The following CYSLTR2 variants were observed in gnomAD, a reference collection of about 807,000 sequenced individuals.
CYSLTR2 encodes cysteinyl leukotriene receptor 2.
For missense variants in CYSLTR2, 398 were observed against 411.9 expected (o/e 0.97, Z 0.29); for synonymous variants, 179 against 160.8 (o/e 1.11, Z -0.86).
intron 1 of CYSLTR2, among the ~76,000 whole-genome samples, chr13:48,680,800 CTTTTTTT>C (rs139896583): frequency 1.8e-5 from 1 of 55,048 alleles, no homozygotes; most frequent in Non-Finnish European, 3.5e-5. Context: ...CTTTTCTTTT[CTTTTTTT>C]TTTTTTTTTT....
At chr13:48,690,788 T>C (rs1382411412) in intron 1 of CYSLTR2, among the ~76,000 whole-genome samples, 1 of 151,906 alleles carries the variant, frequency 6.6e-6, no homozygotes, top group Non-Finnish European at 1.5e-5. Context: ...TAGGGAGGAG[T>C]CCCTCTTTTT....
intron 1 of CYSLTR2, among the ~76,000 whole-genome samples, chr13:48,688,681 A>G (rs991606691): frequency 9.9e-5 from 15 of 152,188 alleles, no homozygotes; most frequent in African/African-American, 3.6e-4. Context: ...GGTTGGTTCC[A>G]AGTCTTTGCT....
intron 1 of CYSLTR2, among the ~76,000 whole-genome samples, chr13:48,654,789 G>A (rs1952963224): frequency 6.6e-6 from 1 of 152,154 alleles, no homozygotes; most frequent in African/African-American, 2.4e-5. Context: ...AATAACTGAA[G>A]CTTAACTTTT....
At position 48,674,480 on chromosome 13, in the gene CYSLTR2, A is replaced by G. The variant is rs143581870; in HGVS notation, c.-265-16732A>G. On this transcript the variant is annotated intron_variant, in intron 1 of 4. Transcript: ENST00000682523. ...GTTCTTCAGCTCCATCAGGTCTTTT[A>G]TGTTCTGCTCTAAACTGGTTATTCT... Among the ~76,000 whole-genome samples the G allele has an allele frequency of 2.6e-5, 4 of 152,266 alleles. No individual in the cohort carries two copies. The East Asian group carries it at 7.7e-4, about 29-fold the overall frequency.
chr13:48,654,004 A>T lies in CYSLTR2; in HGVS notation c.-279A>T, dbSNP rs1479606329. On this transcript the variant is annotated 5_prime_UTR_variant, in exon 1 of 5. Transcript: ENST00000682523. ...CAGCAGAAGCCAGGGCAGCTGAAAG[A>T]CAGAGACCTTCAGGTGGGCATTTTA... The T allele has an allele frequency of 6.6e-6, 1 of 152,198 alleles. No individual in the cohort carries two copies. Among genetic ancestry groups the T allele is most frequent in the African/African-American group, 2.4e-5 (1 of 41,466 alleles). The allele number at this position is 152,198 out of a possible 1,614,324, so 9.4% of individuals were successfully genotyped here. A position where few individuals can be genotyped will look rare whatever the true frequency, so the allele number is the denominator to read the frequency against.
At chr13:48,657,946 A>T (rs1324580380) in intron 1 of CYSLTR2, among the ~76,000 whole-genome samples, 1 of 152,134 alleles carries the variant, frequency 6.6e-6, no homozygotes. Context: ...ATAACATTGT[A>T]TCCCAGATTC....
At chr13:48,658,380 C>T (rs999663352) in intron 1 of CYSLTR2, among the ~76,000 whole-genome samples, 4 of 152,148 alleles carry the variant, frequency 2.6e-5, no homozygotes, top group Non-Finnish European at 5.9e-5. Context: ...TTTCCCGCCC[C>T]CCAAAAAGAT....
At position 48,707,878 on chromosome 13, in the gene CYSLTR2, T is replaced by G; in HGVS notation, c.*20T>G. 1 of 1,494,002 alleles carries G rather than the reference T, an allele frequency of 6.7e-7. No individual in the cohort carries two copies. The highest frequency in any genetic ancestry group is 8.9e-7 in the Non-Finnish European group (1 of 1,119,094). The allele number at this position is 1,494,002 out of a possible 1,614,324, so 92.5% of individuals were successfully genotyped here. ...GTATAAGGAGCTCTTAGATGAGACC[T>G]GTTCTTGTATCCTTGTGTCCATCTT... On this transcript the variant is annotated 3_prime_UTR_variant, in exon 5 of 5. Transcript: ENST00000682523.
intron 1 of CYSLTR2, among the ~76,000 whole-genome samples, chr13:48,657,583 ATATT>A (rs1391371440): frequency 6.6e-6 from 1 of 152,032 alleles, no homozygotes; most frequent in African/African-American, 2.4e-5. Flanking sequence ...GGAAGTTTAA[ATATT>A]AATTAAGCTG....
chr13:48,686,680 T>G (rs1953901017), intron 1 of CYSLTR2, among the ~76,000 whole-genome samples: 1 of 152,188 alleles, frequency 6.6e-6, no homozygotes, highest in African/African-American at 2.4e-5. Flanking sequence ...CAAATTTCTC[T>G]TTGGCTAGCT....
chr13:48,657,534 A>C (rs1014083984), intron 1 of CYSLTR2, among the ~76,000 whole-genome samples: 15 of 151,906 alleles, frequency 9.9e-5, no homozygotes, highest in Non-Finnish European at 7.4e-5. Context: ...GAGATGGAAA[A>C]GGAGAGAGGA....
At chr13:48,693,854 G>A (rs865782986) in intron 3 of CYSLTR2, among the ~76,000 whole-genome samples, 4 of 152,184 alleles carry the variant, frequency 2.6e-5, no homozygotes, top group South Asian at 2.1e-4. Context: ...ATCTCCTCTT[G>A]AAGGTTTCTT....
intron 1 of CYSLTR2, among the ~76,000 whole-genome samples, chr13:48,673,778 A>G (rs1396283777): frequency 2.6e-5 from 4 of 151,828 alleles, no homozygotes; most frequent in Admixed American, 2.6e-4. Context: ...TCTTTTCCAT[A>G]TTTAGTGCTT....
At chr13:48,687,439 C>T (rs571447319) in intron 1 of CYSLTR2, among the ~76,000 whole-genome samples, 1 of 151,852 alleles carries the variant, frequency 6.6e-6, no homozygotes. Flanking sequence ...TATTATCTAT[C>T]GATTATCATC....
chr13:48,686,909 C>G (rs551105375), intron 1 of CYSLTR2, among the ~76,000 whole-genome samples: 1 of 152,284 alleles, frequency 6.6e-6, no homozygotes, highest in South Asian at 2.1e-4. Context: ...TAAAGCATGA[C>G]TTCTGCGTAT....
At chr13:48,670,622 G>T (rs933686670) in intron 1 of CYSLTR2, among the ~76,000 whole-genome samples, 13 of 152,236 alleles carry the variant, frequency 8.5e-5, no homozygotes, top group Non-Finnish European at 1.5e-4. Flanking sequence ...CCTATGTTCT[G>T]TTCCATTGGT....
chr13:48,706,877 T>C lies in CYSLTR2; in HGVS notation c.60T>C (p.Asn20=). 1 of 1,614,164 alleles carries C rather than the reference T, an allele frequency of 6.2e-7. No homozygotes were observed. The highest frequency in any genetic ancestry group is 8.5e-7 in the Non-Finnish European group (1 of 1,180,000). Residue 20 remains asparagine, a synonymous_variant, in exon 5 of 5, where the codon AAT becomes AAC. Transcript: ENST00000682523. ...TCTCCGTATCAGAAATGGAACCAAATGGCACCTTCAGCAATAACAACAGCA... is the reference window on the plus strand; with the variant it reads ...TCTCCGTATCAGAAATGGAACCAAACGGCACCTTCAGCAATAACAACAGCA... ...PSISVSEMEP[N]GTFSNNNSRN...
intron 3 of CYSLTR2, among the ~76,000 whole-genome samples, chr13:48,694,345 G>A (rs923030167): frequency 6.6e-6 from 1 of 152,182 alleles, no homozygotes; most frequent in African/African-American, 2.4e-5. Context: ...TGGGGACTTG[G>A]CTTGTCCTTT....
At chr13:48,686,250 A>G (rs1953891596) in intron 1 of CYSLTR2, among the ~76,000 whole-genome samples, 1 of 152,178 alleles carries the variant, frequency 6.6e-6, no homozygotes, top group Non-Finnish European at 1.5e-5. Flanking sequence ...CTGCTTTACC[A>G]TACCTCTTTT....
Sources: gnomAD v4.1 joint callset for allele counts (sites outside exome capture counted in the v4.1 genomes callset) on GRCh38, gnomAD v4.1.1 for gene constraint, MANE v1.5 for transcripts, NCBI Gene and HGNC (gene_info 2026-07-23, HGNC 2026-07-21) for gene names.